The following SLC30A4 variants were observed in gnomAD, a reference collection of about 807,000 sequenced individuals.
The protein encoded by SLC30A4 is solute carrier family 30 member 4, also known as probable proton-coupled zinc antiporter SLC30A4.
Under a neutral mutation model 41.7 loss-of-function variants are expected in SLC30A4, and 20 were observed. That is an observed-to-expected ratio of 0.48 (90% CI 0.34 to 0.70). The LOEUF (loss-of-function observed/expected upper bound fraction) is 0.70, where lower values mean the gene tolerates loss of function less well. Among genes scored for constraint, SLC30A4 ranks in the 30% least tolerant of loss-of-function variants. SLC30A4 has a pLI of 0.01. For missense variants in SLC30A4, 441 were observed against 529.3 expected (o/e 0.83, Z 1.64); for synonymous variants, 181 against 195.9 (o/e 0.92, Z 0.64).
chr15:45,507,983 G>T (rs1212573106), intron 3 of SLC30A4, among the ~76,000 whole-genome samples: 5 of 151,992 alleles, frequency 3.3e-5, no homozygotes, highest in African/African-American at 1.2e-4. Context: ...AGCCAGAAAT[G>T]AATTGAAATA....
chr15:45,494,286 A>G (rs780465143), intron 3 of SLC30A4, among the ~76,000 whole-genome samples: 2 of 152,222 alleles, frequency 1.3e-5, no homozygotes, highest in African/African-American at 2.4e-5. Context: ...ACCCCAAAAA[A>G]CAAAAAGTAA....
At chr15:45,511,758 T>C (rs999671375) in intron 2 of SLC30A4, among the ~76,000 whole-genome samples, 8 of 152,242 alleles carry the variant, frequency 5.3e-5, no homozygotes, top group Admixed American at 2.0e-4. Flanking sequence ...GTTGGGATTA[T>C]AGGCGTAAGC....
chr15:45,480,051 A>T lies in SLC30A4; in HGVS notation c.*5112T>A, dbSNP rs1891581262. The T allele has an allele frequency of 6.6e-6, 1 of 152,206 alleles. No homozygotes were observed. 9.4% of individuals were successfully genotyped at this position (152,206 alleles called of 1,614,324 possible). On this transcript the variant is annotated 3_prime_UTR_variant, in exon 8 of 8. Transcript: ENST00000261867. ...ACTTTCCAAATATACAGTATCTTCCAGGTAGAAAGATGACATACTGGCACA... is the reference window on the plus strand; with the variant it reads ...ACTTTCCAAATATACAGTATCTTCCTGGTAGAAAGATGACATACTGGCACA...
chr15:45,491,004 T>C, intron 3 of SLC30A4, 123 bp from the exon 4 acceptor site: 1 of 589,870 alleles, frequency 1.7e-6, no homozygotes, highest in South Asian at 4.7e-5. Context: ...CCTCTATTGT[T>C]TCTGTCACGT....
chr15:45,501,696 G>T (rs919578199), intron 3 of SLC30A4, among the ~76,000 whole-genome samples: 1 of 152,060 alleles, frequency 6.6e-6, no homozygotes, highest in African/African-American at 2.4e-5. Flanking sequence ...TAAAGATAGG[G>T]GTCTCGCTTT....
At chr15:45,519,278 C>T (rs918750113) in intron 2 of SLC30A4, 1 of 152,178 alleles carries the variant, frequency 6.6e-6, no homozygotes, top group Admixed American at 6.6e-5. Flanking sequence ...CACTCTGTCA[C>T]CCAGGCTGGA....
chr15:45,483,143 A>G lies in SLC30A4; in HGVS notation c.*2020T>C, dbSNP rs148671773. ...CTGGGTTTCATTAGAGGGACCATCA[A>G]TCCTTTTATTGACACCATTAACTCC... On this transcript the variant is annotated 3_prime_UTR_variant, in exon 8 of 8. Transcript: ENST00000261867. The G allele has an allele frequency of 7.9e-4, 121 of 152,340 alleles. No individual in the cohort carries two copies. The highest frequency in any genetic ancestry group is 2.7e-3 in the African/African-American group (114 of 41,592). 9.4% of individuals were successfully genotyped at this position (152,340 alleles called of 1,614,324 possible).
chr15:45,497,120 T>G (rs184148668), intron 3 of SLC30A4: 1 of 152,192 alleles, frequency 6.6e-6, no homozygotes, highest in Non-Finnish European at 1.5e-5. Flanking sequence ...CAGGCTGAAG[T>G]GCAGTGGCGC....
chr15:45,507,613 A>G (rs2140837602), intron 3 of SLC30A4, among the ~76,000 whole-genome samples: 1 of 150,124 alleles, frequency 6.7e-6, no homozygotes, highest in Non-Finnish European at 1.5e-5. Context: ...TCAGCCTCCC[A>G]TGCAGCTGGT....
At chr15:45,499,215 G>C (rs1891966536) in intron 3 of SLC30A4, among the ~76,000 whole-genome samples, 1 of 151,852 alleles carries the variant, frequency 6.6e-6, no homozygotes, top group Admixed American at 6.6e-5. Context: ...GGGACTACAG[G>C]TACCCACCAC....
intron 2 of SLC30A4, among the ~76,000 whole-genome samples, chr15:45,517,808 C>T (rs1314622874): frequency 6.6e-6 from 1 of 151,800 alleles, no homozygotes; most frequent in Non-Finnish European, 1.5e-5. Context: ...ATTAGCTAGG[C>T]GCGGTGGGGG....
intron 2 of SLC30A4, among the ~76,000 whole-genome samples, chr15:45,517,177 T>A (rs1892505694): frequency 6.6e-6 from 1 of 151,772 alleles, no homozygotes; most frequent in South Asian, 2.1e-4. Context: ...TTGGAACACC[T>A]TTTTCCCTCT....
rs764548384 is a variant in SLC30A4, at chr15:45,487,526, C to T, written c.1000+1G>A. ...ATAATGAGGATATAGTGAGATCTTA[C>T]CTTCTAGTATTATAACTACTGTATC... On this transcript the variant is annotated splice_donor_variant, in intron 6 of 7. Coordinates refer to ENST00000261867, the MANE Select transcript of SLC30A4 (RefSeq NM_013309.6). LOFTEE classifies it high-confidence loss of function. 7.3e-7 allele frequency: 1 copy of T among 1,367,672 alleles called. No individual in the cohort carries two copies. The highest frequency in any genetic ancestry group is 1.0e-6 in the Non-Finnish European group (1 of 957,746). 84.7% of individuals were successfully genotyped at this position (1,367,672 alleles called of 1,614,324 possible). A position where few individuals can be genotyped will look rare whatever the true frequency, so the allele number is the denominator to read the frequency against.
At position 45,522,070 on chromosome 15, in the gene SLC30A4, A is replaced by G; in HGVS notation, c.285T>C (p.Cys95=). 1 of 1,614,214 alleles carries G rather than the reference A, an allele frequency of 6.2e-7. No individual in the cohort carries two copies. Among genetic ancestry groups the G allele is most frequent in the Non-Finnish European group, 8.5e-7 (1 of 1,180,030 alleles). Residue 95 remains cysteine (C), a synonymous_variant, in exon 2 of 8, where the codon TGT becomes TGC. Transcript: ENST00000261867. ...TCTCTCTCTGTTTGCTGCAGTTGTC[A>G]CAGGAGTCCACCTTCAAACTCAGCT... The part of the protein sequence containing the change: ...NSQLSLKVDS[C]DNCSKQREIL...
In SLC30A4 at chr15:45,483,184, T is replaced by A. The variant is rs537612747; in HGVS notation, c.*1979A>T. 6.6e-6 allele frequency: 1 copy of A among 152,224 alleles called. No homozygotes were observed. Among genetic ancestry groups the A allele is most frequent in the African/African-American group, 2.4e-5 (1 of 41,460 alleles). The allele number at this position is 152,224 out of a possible 1,614,324, so 9.4% of individuals were successfully genotyped here. On this transcript the variant is annotated 3_prime_UTR_variant, in exon 8 of 8. Coordinates refer to ENST00000261867, the MANE Select transcript of SLC30A4 (RefSeq NM_013309.6). The stretch of plus-strand genomic sequence containing the variant: ...CATTAACTCCCAACAATCTTATAGG[T>A]AAATCTGGGTTTTCTTATCTTAGGT...
Position 45,482,193 on chromosome 15 carries a change from A to C in SLC30A4, c.*2970T>G, listed in dbSNP as rs1423657462. 6.6e-6 allele frequency: 1 copy of C among 151,662 alleles called. No homozygotes were observed. The highest frequency in any genetic ancestry group is 1.5e-5 in the Non-Finnish European group (1 of 68,102). The allele number at this position is 151,662 out of a possible 1,614,324, so 9.4% of individuals were successfully genotyped here. ...AGCACTTTGGGAGGCCGAGGTGGGC[A>C]GATCACTTGAGCTCAGGAGTTCAAG... On this transcript the variant is annotated 3_prime_UTR_variant, in exon 8 of 8. Transcript: ENST00000261867.
chr15:45,500,656 CTATCTATA>C (rs766754854), intron 3 of SLC30A4, among the ~76,000 whole-genome samples: 2,635 of 128,340 alleles, frequency 0.021, 22 homozygotes, highest in Non-Finnish European at 0.026. Flanking sequence ...ATCTATCTAT[CTATCTATA>C]TGTTTTTGTT....
rs756725982 is a variant in SLC30A4 at position 45,522,118 on chromosome 15, T to C, written c.237A>G (p.Gln79=). 1.2e-6 allele frequency: 2 copies of C among 1,614,232 alleles called. No homozygotes were observed. Among genetic ancestry groups the C allele is most frequent in the Non-Finnish European group, 1.7e-6 (2 of 1,180,038 alleles). ...LQADDDSLLD[Q]DLPLTNSQLS... ...GCTGACTGTTGGTCAAAGGTAAGTCTTGGTCCAGTAAGGAATCATCGTCGG... is the reference window on the plus strand; with the variant it reads ...GCTGACTGTTGGTCAAAGGTAAGTCCTGGTCCAGTAAGGAATCATCGTCGG... Residue 79 remains glutamine, a synonymous_variant, in exon 2 of 8, where the codon CAA becomes CAG. Transcript: ENST00000261867.
intron 4 of SLC30A4, among the ~76,000 whole-genome samples, 161 bp downstream of exon 4, chr15:45,490,567 G>C (rs778131244): frequency 2.0e-5 from 3 of 152,126 alleles, no homozygotes; most frequent in Non-Finnish European, 4.4e-5. Flanking sequence ...GCAAACTAAT[G>C]AGGAATTTAT....
Sources: gnomAD v4.1 joint callset for allele counts (sites outside exome capture counted in the v4.1 genomes callset) on GRCh38, gnomAD v4.1.1 for gene constraint, MANE v1.5 for transcripts, NCBI Gene and HGNC (gene_info 2026-07-23, HGNC 2026-07-21) for gene names.